The following SLC38A8 variants were observed in gnomAD, a reference collection of about 807,000 sequenced individuals.
The protein encoded by SLC38A8 is solute carrier family 38 member 8.
In SLC38A8, 65 loss-of-function variants were observed where a neutral mutation model predicts 46.0. The observed-to-expected ratio is 1.41, with a 90% confidence interval of 1.16 to 1.74. The LOEUF (loss-of-function observed/expected upper bound fraction) is 1.74. Among genes scored for constraint, SLC38A8 ranks in the 40% most tolerant of loss-of-function variants. The pLI, the probability that SLC38A8 is intolerant of heterozygous loss-of-function variation, is 0.00. For synonymous variants in SLC38A8, 447 were observed against 243.7 expected, an observed-to-expected ratio of 1.83 and a Z score of -7.77; for missense variants, 998 against 567.9, an observed-to-expected ratio of 1.76 and a Z score of -7.70.
chr16:84,041,953 C>T lies in SLC38A8; in HGVS notation c.189+16G>A. Reference sequence around the variant, plus strand: ...ACCTCGTACCCGTCCCCAGGACTCACTTCCCGGGGACTTACCAGCTCCACC... The same window carrying T: ...ACCTCGTACCCGTCCCCAGGACTCATTTCCCGGGGACTTACCAGCTCCACC... On this transcript the variant is annotated intron_variant, in intron 2 of 10. Coordinates refer to ENST00000299709, the MANE Select transcript of SLC38A8 (RefSeq NM_001080442.3). 8.9e-6 allele frequency: 14 copies of T among 1,564,590 alleles called. No homozygotes were observed. The highest frequency in any genetic ancestry group is 1.2e-5 in the Non-Finnish European group (14 of 1,154,336).
chr16:84,015,652 G>C (rs970068974), intron 9 of SLC38A8, among the ~76,000 whole-genome samples: 2 of 152,060 alleles, frequency 1.3e-5, no homozygotes, highest in Non-Finnish European at 2.9e-5. Context: ...TGTCCATCAG[G>C]AGCTGTATTA....
chr16:84,042,232 T>C, intron 1 of SLC38A8, 73 bp from the exon 2 acceptor site: 2 of 1,491,976 alleles, frequency 1.3e-6, no homozygotes, highest in South Asian at 2.6e-5. Context: ...ATATCCTTAT[T>C]TGTCTCCCCA....
chr16:84,029,259 G>A (rs535193611), intron 6 of SLC38A8, among the ~76,000 whole-genome samples: 6 of 152,172 alleles, frequency 3.9e-5, no homozygotes, highest in Non-Finnish European at 5.9e-5. Context: ...CATCAGTGGG[G>A]GCTGGATTCC....
At position 84,042,120 on chromosome 16, in the gene SLC38A8, T is replaced by C. The variant is rs1483864792; in HGVS notation, c.38A>G (p.Glu13Gly). 1 of 1,613,760 alleles carries C rather than the reference T, an allele frequency of 6.2e-7. No homozygotes were observed. The highest frequency in any genetic ancestry group is 8.5e-7 in the Non-Finnish European group (1 of 1,179,892). ...GQTPGSRGLPEKPHPATAAAT... is the reference protein window; with the variant it reads ...GQTPGSRGLPGKPHPATAAAT... Reference sequence around the variant, plus strand: ...AGCAGCCGTGGCAGGGTGAGGCTTTTCTGGAAGGCCCCTGCTTCCTGGGGT... The same window carrying C: ...AGCAGCCGTGGCAGGGTGAGGCTTTCCTGGAAGGCCCCTGCTTCCTGGGGT... Residue 13 changes from glutamate to glycine, a missense_variant, in exon 2 of 11, where the codon GAA becomes GGA. By Grantham distance (98) the Glu-to-Gly change is moderately conservative. Coordinates refer to ENST00000299709, the MANE Select transcript of SLC38A8 (RefSeq NM_001080442.3).
chr16:84,038,612 CAA>C (rs1369752863), intron 2 of SLC38A8, among the ~76,000 whole-genome samples: 6 of 152,176 alleles, frequency 3.9e-5, no homozygotes, highest in Non-Finnish European at 1.5e-5. Context: ...ATAAAATGCT[CAA>C]AGTCTTAAGT....
chr16:84,028,162 C>A (rs912627073), intron 6 of SLC38A8, among the ~76,000 whole-genome samples: 3 of 151,840 alleles, frequency 2.0e-5, no homozygotes, highest in African/African-American at 4.8e-5. Flanking sequence ...AAGCTGAGAT[C>A]CGGTGGTAAA....
chr16:84,009,924 C>A lies in SLC38A8; in HGVS notation c.1215-47G>T, dbSNP rs201460569. 5 of 1,551,524 alleles carry A rather than the reference C, an allele frequency of 3.2e-6. No individual in the cohort carries two copies. In the East Asian group the frequency reaches 1.1e-4, roughly 35 times the overall value. ...GTCAGAGCTTTTCTGGATTTTTGCACAAATAAGCCACACACACATAAAAAA... is the reference window on the plus strand; with the variant it reads ...GTCAGAGCTTTTCTGGATTTTTGCAAAAATAAGCCACACACACATAAAAAA... On this transcript the variant is annotated intron_variant, in intron 10 of 10. Coordinates refer to ENST00000299709, the MANE Select transcript of SLC38A8 (RefSeq NM_001080442.3).
chr16:84,041,484 TG>T (rs1186321043), intron 2 of SLC38A8: 1 of 152,820 alleles, frequency 6.5e-6, no homozygotes, highest in East Asian at 1.9e-4. Context: ...CGCTAATTTT[TG>T]TATTTCCAGT....
chr16:84,011,520 G>A (rs751792957), intron 10 of SLC38A8, among the ~76,000 whole-genome samples: 2 of 152,212 alleles, frequency 1.3e-5, no homozygotes, highest in Non-Finnish European at 2.9e-5. Context: ...CAGACCTACA[G>A]CTGGCACCCA....
rs368926869 is a variant in SLC38A8, at chr16:84,022,779, C to A, written c.801G>T (p.Leu267=). 1 of 1,613,996 alleles carries A rather than the reference C, an allele frequency of 6.2e-7. No individual in the cohort carries two copies. Among genetic ancestry groups the A allele is most frequent in the Admixed American group, 1.7e-5 (1 of 60,012 alleles). Residue 267 remains leucine, a synonymous_variant, in exon 7 of 11, where the codon CTG becomes CTT. Coordinates refer to ENST00000299709, the MANE Select transcript of SLC38A8 (RefSeq NM_001080442.3). Reference sequence around the variant, plus strand: ...GGTGCCTGGGAAGGGCCTTACCCGTCAGTGAATAGATGAGGCAGCAGGCCA... The same window carrying A: ...GGTGCCTGGGAAGGGCCTTACCCGTAAGTGAATAGATGAGGCAGCAGGCCA... The part of the protein sequence containing the change: ...SLLACCLIYS[L]TGVYGFLTFG...
intron 7 of SLC38A8, among the ~76,000 whole-genome samples, 192 bp downstream of exon 7, chr16:84,022,583 G>A (rs930689581): frequency 1.3e-5 from 2 of 152,192 alleles, no homozygotes; most frequent in Non-Finnish European, 2.9e-5. Flanking sequence ...AGTTCTGGAG[G>A]GCACCTGAGC....
chr16:84,030,232 A>G (rs1311297330), intron 5 of SLC38A8, among the ~76,000 whole-genome samples: 1 of 152,180 alleles, frequency 6.6e-6, no homozygotes, highest in African/African-American at 2.4e-5. Context: ...AGGAAGAGAC[A>G]GGAAAGATCT....
At chr16:84,011,628 G>A (rs72793678) in intron 10 of SLC38A8, among the ~76,000 whole-genome samples, 26 of 152,290 alleles carry the variant, frequency 1.7e-4, no homozygotes, top group African/African-American at 5.5e-4. Flanking sequence ...CAGCTTATCT[G>A]GAAACTGGGT....
rs753462987 is a variant in SLC38A8, at chr16:84,010,614, G to T, written c.1215-737C>A. Among the ~76,000 whole-genome samples the T allele has an allele frequency of 2.1e-4, 32 of 152,134 alleles. 1 individual carries two copies. The highest frequency in any genetic ancestry group is 1.3e-4 in the Admixed American group (2 of 15,274). Reference sequence around the variant, plus strand: ...AATAAAAAATTAGCCAGGCACGGTGGCAGGCACCTGTATTCCCAGCTATGT... The same window carrying T: ...AATAAAAAATTAGCCAGGCACGGTGTCAGGCACCTGTATTCCCAGCTATGT... On this transcript the variant is annotated intron_variant, in intron 10 of 10. Transcript: ENST00000299709.
intron 6 of SLC38A8, among the ~76,000 whole-genome samples, chr16:84,026,134 T>G (rs1445215267): frequency 6.6e-6 from 1 of 152,218 alleles, no homozygotes; most frequent in African/African-American, 2.4e-5. Flanking sequence ...GAGTCCAATA[T>G]AAGGGAAAAG....
Position 84,036,699 on chromosome 16 carries a change from T to TAA in SLC38A8, c.388+2_388+3insTT, listed in dbSNP as rs1352979834. On this transcript the variant is annotated splice_region_variant and intron_variant, in intron 3 of 10. Coordinates refer to ENST00000299709, the MANE Select transcript of SLC38A8 (RefSeq NM_001080442.3). ...CCACCCCGAGTCCCATGAAGGTACT[T>TAA]ACGCTTCTCCAGCTGGTCCCCGATC... 3.7e-6 allele frequency: 6 copies of TAA among 1,614,050 alleles called. No homozygotes were observed. The highest frequency in any genetic ancestry group is 5.1e-6 in the Non-Finnish European group (6 of 1,180,014).
intron 3 of SLC38A8, among the ~76,000 whole-genome samples, chr16:84,035,635 G>C (rs2085292109): frequency 6.6e-6 from 1 of 152,240 alleles, no homozygotes; most frequent in South Asian, 2.1e-4. Flanking sequence ...GTCATAGTTA[G>C]ATTCTAAGTC....
At chr16:84,010,015 G>C (rs2084935950) in intron 10 of SLC38A8, 138 bp from the exon 11 acceptor site, 3 of 567,278 alleles carry the variant, frequency 5.3e-6, no homozygotes, top group Non-Finnish European at 8.5e-6. Flanking sequence ...AATATTTCCA[G>C]TTACCTGTAG....
intron 7 of SLC38A8, among the ~76,000 whole-genome samples, chr16:84,018,868 T>C (rs781007669): frequency 1.3e-5 from 2 of 152,166 alleles, no homozygotes; most frequent in Admixed American, 6.5e-5. Context: ...AGGAGATATA[T>C]GGGGTGGGTA....
Sources: allele counts gnomAD v4.1 joint callset (sites outside exome capture counted in the v4.1 genomes callset), GRCh38; gene constraint gnomAD v4.1.1; transcripts MANE v1.5; gene names NCBI Gene and HGNC (gene_info 2026-07-23, HGNC 2026-07-21).